MARCHF1: variants seen among roughly 807,000 people sequenced by gnomAD.
MARCHF1 encodes the protein E3 ubiquitin-protein ligase MARCHF1.
In MARCHF1, 40 loss-of-function variants were observed where a neutral mutation model predicts 54.2. That is an observed-to-expected ratio of 0.74 (90% CI 0.57 to 0.96). The LOEUF is 0.96. Ranked by LOEUF, MARCHF1 falls within the 40% of genes least tolerant of loss-of-function variation. The pLI is 0.00. For missense variants in MARCHF1, 586 were observed against 656.5 expected, an observed-to-expected ratio of 0.89 and a Z score of 1.17; for synonymous variants, 236 against 236.3, an observed-to-expected ratio of 1.00 and a Z score of 0.01.
chr4:163,780,444 T>G (rs1447581855), intron 4 of MARCHF1, among the ~76,000 whole-genome samples: 2 of 152,206 alleles, frequency 1.3e-5, no homozygotes, highest in Non-Finnish European at 2.9e-5. Context: ...TTTTCATTAC[T>G]ATATTTTGTT....
rs1327005165 is a variant in MARCHF1, at chr4:164,340,405, T to TTTTATATATATATATATATATA, written c.-323+43464_-323+43465insTATATATATATATATATATAAA. On this transcript the variant is annotated intron_variant, in intron 1 of 9. Coordinates refer to ENST00000514618, the MANE Select transcript of MARCHF1 (RefSeq NM_001394959.1). Reference sequence around the variant, plus strand: ...ACAGCACATGCCACCAGGCCTTGATTTATATATAGATATATATATATATAT... The same window carrying TTTTATATATATATATATATATA: ...ACAGCACATGCCACCAGGCCTTGATTTTTATATATATATATATATATATATATATAGATATATATATATATAT... 3.6e-3 allele frequency among the ~76,000 whole-genome samples: 345 copies of TTTTATATATATATATATATATA among 95,536 alleles called. 43 individuals are homozygous for TTTTATATATATATATATATATA. Among genetic ancestry groups the TTTTATATATATATATATATATA allele is most frequent in the East Asian group, 7.9e-3 (20 of 2,518 alleles). 62.7% of individuals were successfully genotyped at this position (95,536 alleles called of 152,430 possible). A position where few individuals can be genotyped will look rare whatever the true frequency, so the allele number is the denominator to read the frequency against.
At chr4:163,914,356 A>G (rs4431175) in intron 3 of MARCHF1, among the ~76,000 whole-genome samples, 60,342 of 151,960 alleles carry the variant, frequency 0.4, 12,170 homozygotes, top group East Asian at 0.47. Flanking sequence ...AACAAGTGAA[A>G]TTGTCGAGCT....
At chr4:163,835,830 A>G (rs1749165290) in intron 4 of MARCHF1, among the ~76,000 whole-genome samples, 1 of 152,048 alleles carries the variant, frequency 6.6e-6, no homozygotes, top group African/African-American at 2.4e-5. Context: ...ACATATAACC[A>G]GTTTATGCAG....
chr4:164,169,036 G>C (rs1730457451), intron 1 of MARCHF1, among the ~76,000 whole-genome samples: 2 of 151,068 alleles, frequency 1.3e-5, no homozygotes, highest in Admixed American at 6.6e-5. Context: ...TGAAGATGAA[G>C]TTAATAAAAC....
Position 163,683,833 on chromosome 4 carries a change from C to T in MARCHF1, c.162+16980G>A, listed in dbSNP as rs1156388587. ...GGCTCAGCAAAGATAATCCTTGGGGCTCTGCTTGGTATCAGCTAAAAAGGA... is the reference window on the plus strand; with the variant it reads ...GGCTCAGCAAAGATAATCCTTGGGGTTCTGCTTGGTATCAGCTAAAAAGGA... On this transcript the variant is annotated intron_variant, in intron 5 of 9. Transcript: ENST00000514618. 6.6e-5 allele frequency among the ~76,000 whole-genome samples: 10 copies of T among 152,138 alleles called. No homozygotes were observed. In the East Asian group the frequency reaches 1.5e-3, roughly 23 times the overall value.
At chr4:164,233,337 A>T (rs1452097006) in intron 1 of MARCHF1, among the ~76,000 whole-genome samples, 1 of 152,142 alleles carries the variant, frequency 6.6e-6, no homozygotes, top group African/African-American at 2.4e-5. Context: ...TAACCTGCCC[A>T]ATGACATCAT....
intron 2 of MARCHF1, among the ~76,000 whole-genome samples, chr4:163,993,770 C>A (rs772451423): frequency 1.3e-5 from 2 of 151,742 alleles, no homozygotes; most frequent in African/African-American, 2.4e-5. Flanking sequence ...TAAAAAGAAT[C>A]ATTTTATTAA....
intron 8 of MARCHF1, among the ~76,000 whole-genome samples, chr4:163,571,371 C>G (rs1739837652): frequency 6.6e-6 from 1 of 152,082 alleles, no homozygotes; most frequent in Non-Finnish European, 1.5e-5. Flanking sequence ...AATCTTAGGC[C>G]AGGTACAATG....
At chr4:164,172,485 T>C (rs1485939566) in intron 1 of MARCHF1, among the ~76,000 whole-genome samples, 2 of 152,180 alleles carry the variant, frequency 1.3e-5, no homozygotes, top group Non-Finnish European at 2.9e-5. Flanking sequence ...TTACAAGTTA[T>C]GTACGTCTCC....
chr4:164,230,814 C>CTAT (rs1344061190), intron 1 of MARCHF1, among the ~76,000 whole-genome samples: 1 of 151,832 alleles, frequency 6.6e-6, no homozygotes, highest in African/African-American at 2.4e-5. Context: ...CTACATGTTA[C>CTAT]TATTATTATT....
rs1304537116 is a variant in MARCHF1, at chr4:164,043,352, G to A, written c.-247-54643C>T. On this transcript the variant is annotated intron_variant, in intron 2 of 9. Transcript: ENST00000514618. The stretch of plus-strand genomic sequence containing the variant: ...ACTTTTGCCTTATATGCACTTGCAG[G>A]CCCAATACCACATGGAAACTGCCAA... Among the ~76,000 whole-genome samples, 36 of 152,120 alleles carry A rather than the reference G, an allele frequency of 2.4e-4. 1 individual carries two copies. Among genetic ancestry groups the A allele is most frequent in the Admixed American group, 2.4e-3 (36 of 15,266 alleles).
chr4:164,138,816 T>C (rs1467879815), intron 1 of MARCHF1, among the ~76,000 whole-genome samples: 1 of 152,150 alleles, frequency 6.6e-6, no homozygotes, highest in Non-Finnish European at 1.5e-5. Context: ...CTTAGAGAGA[T>C]TAAATTTTTG....
intron 1 of MARCHF1, among the ~76,000 whole-genome samples, chr4:164,146,828 C>G (rs1419457092): frequency 6.6e-6 from 1 of 151,784 alleles, no homozygotes; most frequent in African/African-American, 2.4e-5. Flanking sequence ...CAAATGGGAT[C>G]TAATTAAACT....
At chr4:164,109,113 C>A (rs530165399) in intron 2 of MARCHF1, among the ~76,000 whole-genome samples, 1 of 152,136 alleles carries the variant, frequency 6.6e-6, no homozygotes, top group East Asian at 1.9e-4. Context: ...GTTACTCTCT[C>A]CTCTGTATGG....
At chr4:163,727,669 G>A (rs1745703347) in intron 4 of MARCHF1, among the ~76,000 whole-genome samples, 1 of 151,332 alleles carries the variant, frequency 6.6e-6, no homozygotes, top group Admixed American at 6.6e-5. Context: ...TGTTGAAAAG[G>A]TGTTTTCTTT....
chr4:164,139,663 A>C (rs1022504972), intron 1 of MARCHF1, among the ~76,000 whole-genome samples: 1 of 152,136 alleles, frequency 6.6e-6, no homozygotes, highest in Non-Finnish European at 1.5e-5. Flanking sequence ...CCCTGCTGTA[A>C]GAGTTGCTTA....
chr4:163,990,079 T>C (rs1560850963), intron 2 of MARCHF1, among the ~76,000 whole-genome samples: 1 of 152,242 alleles, frequency 6.6e-6, no homozygotes, highest in Admixed American at 6.5e-5. Flanking sequence ...AAAAGATCTG[T>C]ACTGCTGTTG....
chr4:163,916,801 C>A (rs970469912), intron 3 of MARCHF1, among the ~76,000 whole-genome samples: 34 of 152,148 alleles, frequency 2.2e-4, no homozygotes, highest in South Asian at 4.1e-4. Flanking sequence ...ACACCTCACA[C>A]AAGAGTGCTA....
At chr4:163,597,985 C>T (rs1411364494) in intron 7 of MARCHF1, among the ~76,000 whole-genome samples, 1 of 152,284 alleles carries the variant, frequency 6.6e-6, no homozygotes, top group South Asian at 2.1e-4. Context: ...CTGCTCCCCT[C>T]CTCCTTCAGA....
Sources: allele counts gnomAD v4.1 joint callset (sites outside exome capture counted in the v4.1 genomes callset), GRCh38; gene constraint gnomAD v4.1.1; transcripts MANE v1.5; gene names NCBI Gene and HGNC (gene_info 2026-07-23, HGNC 2026-07-21).